Variants in DLG2 observed in about 807,000 individuals in gnomAD.
The protein encoded by DLG2 is discs large MAGUK scaffold protein 2, also known as disks large homolog 2.
Under a neutral mutation model 132.5 loss-of-function variants are expected in DLG2, and 45 were observed. That is an observed-to-expected ratio of 0.34 (90% CI 0.27 to 0.44). The LOEUF (loss-of-function observed/expected upper bound fraction) is 0.44. DLG2 is among the 20% of genes least tolerant of loss of function. DLG2 has a pLI of 1.00. For synonymous variants in DLG2, 424 were observed against 419.6 expected (o/e 1.01, Z -0.13); for missense variants, 1,045 against 1,196.9 (o/e 0.87, Z 1.87).
chr11:85,395,173 T>C, intron 3 of DLG2, among the ~76,000 whole-genome samples: 1 of 152,154 alleles, frequency 6.6e-6, no homozygotes, highest in East Asian at 1.9e-4. Context: ...AACAGGTACA[T>C]AAACATATAA....
rs201682940 is a variant in DLG2, at chr11:84,299,296, AG to A, written c.520-48006del. Among the ~76,000 whole-genome samples the A allele has an allele frequency of 2.0e-5, 3 of 152,348 alleles. No individual in the cohort carries two copies. The East Asian group carries it at 5.8e-4, about 29-fold the overall frequency. ...GTGATACAAATAGAACTGAGTGTTAAGATAAATTTGGCAGCAATATTCATAA... is the reference window on the plus strand; with the variant it reads ...GTGATACAAATAGAACTGAGTGTTAAATAAATTTGGCAGCAATATTCATAA... On this transcript the variant is annotated intron_variant, in intron 7 of 27. Coordinates refer to ENST00000376104, the MANE Select transcript of DLG2 (RefSeq NM_001142699.3).
At chr11:83,745,019 C>A (rs2092800092) in intron 18 of DLG2, among the ~76,000 whole-genome samples, 2 of 152,196 alleles carry the variant, frequency 1.3e-5, no homozygotes, top group Non-Finnish European at 2.9e-5. Flanking sequence ...AATACTCATA[C>A]CTGTCATCAG....
chr11:83,735,262 G>C (rs1357949194), intron 18 of DLG2, among the ~76,000 whole-genome samples: 1 of 152,094 alleles, frequency 6.6e-6, no homozygotes, highest in African/African-American at 2.4e-5. Context: ...TGAGTGAATT[G>C]TTAAGGATTA....
At chr11:85,138,520 C>T (rs1416888999) in intron 5 of DLG2, among the ~76,000 whole-genome samples, 2 of 152,094 alleles carry the variant, frequency 1.3e-5, no homozygotes, top group Non-Finnish European at 2.9e-5. Context: ...AATGCCATTC[C>T]CATACTCCAC....
At chr11:84,434,386 A>G (rs2098994239) in intron 7 of DLG2, among the ~76,000 whole-genome samples, 1 of 152,118 alleles carries the variant, frequency 6.6e-6, no homozygotes, top group African/African-American at 2.4e-5. Flanking sequence ...AAGACAGATT[A>G]GTGGATCTAG....
intron 4 of DLG2, among the ~76,000 whole-genome samples, chr11:85,170,853 G>A (rs996252373): frequency 2.0e-5 from 3 of 151,768 alleles, no homozygotes; most frequent in African/African-American, 7.3e-5. Flanking sequence ...TGCTGAAGAG[G>A]GCTTTCTCTT....
intron 6 of DLG2, among the ~76,000 whole-genome samples, chr11:84,919,222 T>C (rs1231671076): frequency 6.6e-6 from 1 of 152,130 alleles, no homozygotes; most frequent in Non-Finnish European, 1.5e-5. Flanking sequence ...CTAAGAACTT[T>C]TTATAGGGTT....
chr11:84,845,129 T>TG (rs1566129226), intron 6 of DLG2, among the ~76,000 whole-genome samples: 2 of 152,110 alleles, frequency 1.3e-5, no homozygotes, highest in Non-Finnish European at 2.9e-5. Flanking sequence ...TACAACTGTG[T>TG]GACAGAATAT....
chr11:84,183,796 A>G (rs933406809), intron 8 of DLG2, among the ~76,000 whole-genome samples: 3 of 152,020 alleles, frequency 2.0e-5, no homozygotes, highest in Non-Finnish European at 4.4e-5. Flanking sequence ...TCATTGTTCA[A>G]TTCCCACCTA....
At chr11:84,756,838 C>T (rs1198319121) in intron 6 of DLG2, among the ~76,000 whole-genome samples, 1 of 151,930 alleles carries the variant, frequency 6.6e-6, no homozygotes, top group African/African-American at 2.4e-5. Context: ...CTTCATCTTC[C>T]AGTGAGGCCC....
chr11:84,416,530 A>G (rs1259216420), intron 7 of DLG2, among the ~76,000 whole-genome samples: 1 of 152,254 alleles, frequency 6.6e-6, no homozygotes, highest in Admixed American at 6.5e-5. Flanking sequence ...CTACTCTGAC[A>G]AAATAACATA....
chr11:84,099,050 A>G lies in DLG2; in HGVS notation c.625-3T>C, dbSNP rs775466409. ...CTGAATCCCAGGCCAGAATTCCCCT[A>G]TAGAAACAAAAAGCAGATATTAAAT... On this transcript the variant is annotated splice_region_variant and splice_polypyrimidine_tract_variant and intron_variant, in intron 9 of 27. Transcript: ENST00000376104. 1 of 1,612,514 alleles carries G rather than the reference A, an allele frequency of 6.2e-7. No homozygotes were observed. The highest frequency in any genetic ancestry group is 8.5e-7 in the Non-Finnish European group (1 of 1,178,826).
intron 9 of DLG2, among the ~76,000 whole-genome samples, chr11:84,114,556 C>T (rs1458596125): frequency 2.0e-5 from 3 of 152,096 alleles, no homozygotes; most frequent in African/African-American, 2.4e-5. Context: ...CTATTCACCA[C>T]CTCAGAACAT....
intron 6 of DLG2, among the ~76,000 whole-genome samples, chr11:84,664,263 C>T (rs1373649208): frequency 6.6e-6 from 1 of 151,964 alleles, no homozygotes; most frequent in Non-Finnish European, 1.5e-5. Context: ...AAATTCTAAG[C>T]CTCCTCCTTG....
chr11:84,411,758 T>C (rs769005062), intron 7 of DLG2, among the ~76,000 whole-genome samples: 3 of 152,234 alleles, frequency 2.0e-5, no homozygotes, highest in Non-Finnish European at 2.9e-5. Context: ...ACACATAGTA[T>C]TGCATTTCAA....
chr11:83,898,235 A>G (rs1363961765), intron 15 of DLG2, among the ~76,000 whole-genome samples: 1 of 152,176 alleles, frequency 6.6e-6, no homozygotes, highest in Non-Finnish European at 1.5e-5. Context: ...GCAGAGATAC[A>G]TCTAAATGCA....
At chr11:84,616,325 T>A (rs1359570084) in intron 6 of DLG2, among the ~76,000 whole-genome samples, 4 of 152,164 alleles carry the variant, frequency 2.6e-5, no homozygotes, top group Admixed American at 6.6e-5. Context: ...TGAATTTTGA[T>A]ATTTGTTTTA....
chr11:84,218,374 A>AAGG (rs1555430183), intron 8 of DLG2, among the ~76,000 whole-genome samples: 4 of 67,678 alleles, frequency 5.9e-5, no homozygotes, highest in Admixed American at 5.2e-4. Context: ...GAAAGGGAGA[A>AAGG]AGGGAGGGAG....
At chr11:83,865,986 G>A (rs2062279766) in intron 16 of DLG2, among the ~76,000 whole-genome samples, 1 of 152,042 alleles carries the variant, frequency 6.6e-6, no homozygotes, top group Non-Finnish European at 1.5e-5. Flanking sequence ...AGGTCTATTG[G>A]TCATTCAGAT....
Sources: gnomAD v4.1 joint callset for allele counts (sites outside exome capture counted in the v4.1 genomes callset) on GRCh38, gnomAD v4.1.1 for gene constraint, MANE v1.5 for transcripts, NCBI Gene and HGNC (gene_info 2026-07-23, HGNC 2026-07-21) for gene names.